The following SEM1 variants were observed in gnomAD, a reference collection of about 807,000 sequenced individuals.
SEM1 encodes SEM1 26S proteasome subunit.
In SEM1, 3 loss-of-function variants were observed where a neutral mutation model predicts 12.7. The observed-to-expected ratio is 0.24, with a 90% confidence interval of 0.11 to 0.61. SEM1 has a LOEUF of 0.61. SEM1 is among the 20% of genes least tolerant of loss of function. The probability of loss-of-function intolerance (pLI) is 0.88; values close to 1 mark genes in which losing one functional copy is unlikely to be tolerated. For synonymous variants in SEM1, 30 were observed against 27.8 expected (o/e 1.08, Z -0.25); for missense variants, 59 against 81.3 (o/e 0.73, Z 1.06).
At chr7:96,661,095 T>G (rs1788987369) in intron 2 of SEM1, among the ~76,000 whole-genome samples, 1 of 152,186 alleles carries the variant, frequency 6.6e-6, no homozygotes, top group Non-Finnish European at 1.5e-5. Flanking sequence ...GTGGTATAAT[T>G]ATCTCCATTT....
chr7:96,485,819 C>T (rs1291184716), intron 2 of SEM1, among the ~76,000 whole-genome samples: 2 of 152,086 alleles, frequency 1.3e-5, no homozygotes, highest in Non-Finnish European at 2.9e-5. Flanking sequence ...GGATTACAGG[C>T]ATGAGCCACT....
At chr7:96,611,351 A>G (rs1807533143) in intron 2 of SEM1, among the ~76,000 whole-genome samples, 1 of 152,176 alleles carries the variant, frequency 6.6e-6, no homozygotes, top group South Asian at 2.1e-4. Flanking sequence ...CCCAGCTATC[A>G]AATTTAGGAA....
At chr7:96,552,610 T>A (rs1805320424) in intron 2 of SEM1, among the ~76,000 whole-genome samples, 2 of 147,070 alleles carry the variant, frequency 1.4e-5, no homozygotes, top group African/African-American at 5.0e-5. Flanking sequence ...TTTGGGTTGG[T>A]TCCAAGTCTT....
At chr7:96,543,796 A>T (rs1009579513) in intron 2 of SEM1, among the ~76,000 whole-genome samples, 1 of 152,022 alleles carries the variant, frequency 6.6e-6, no homozygotes, top group African/African-American at 2.4e-5. Flanking sequence ...TCAATGAATC[A>T]GAAAATCCAC....
At chr7:96,636,559 A>G (rs1808433872) in intron 2 of SEM1, among the ~76,000 whole-genome samples, 1 of 152,040 alleles carries the variant, frequency 6.6e-6, no homozygotes, top group Non-Finnish European at 1.5e-5. Context: ...AATAAAGAAT[A>G]GCTAAGTAAC....
chr7:96,597,867 A>T (rs1328364758), intron 2 of SEM1, among the ~76,000 whole-genome samples: 1 of 151,872 alleles, frequency 6.6e-6, no homozygotes, highest in Non-Finnish European at 1.5e-5. Context: ...TTTTTCTTAT[A>T]TTTCTTTTTG....
chr7:96,530,224 G>T (rs1413854970), intron 2 of SEM1, among the ~76,000 whole-genome samples: 1 of 152,106 alleles, frequency 6.6e-6, no homozygotes, highest in Non-Finnish European at 1.5e-5. Flanking sequence ...TTGACAGCTG[G>T]TGGTGGCAGG....
At position 96,509,295 on chromosome 7, in the gene SEM1, C is replaced by T. The variant is rs145723269; in HGVS notation, c.171-2597G>A. 1.2e-3 allele frequency among the ~76,000 whole-genome samples: 182 copies of T among 151,834 alleles called. 1 individual carries two copies. The highest frequency in any genetic ancestry group is 4.1e-3 in the African/African-American group (171 of 41,420). On this transcript the variant is annotated intron_variant and NMD_transcript_variant, in intron 2 of 3. Coordinates refer to the SEM1 transcript ENST00000466986. ...TGCTGGGATTACAGGAGTGAGCCAC[C>T]CCTCCCAATCAAGAGACGCAATCTT... is the stretch of plus-strand genomic sequence containing the variant.
chr7:96,690,062 T>G (rs1193810160), intron 2 of SEM1, among the ~76,000 whole-genome samples: 1 of 152,124 alleles, frequency 6.6e-6, no homozygotes, highest in Non-Finnish European at 1.5e-5. Context: ...AAGATTCTGA[T>G]GATCACAGAA....
chr7:96,521,577 C>T (rs1804271143), intron 2 of SEM1, among the ~76,000 whole-genome samples: 1 of 152,186 alleles, frequency 6.6e-6, no homozygotes, highest in East Asian at 1.9e-4. Flanking sequence ...GCTGAGTTAC[C>T]CACACACAAC....
intron 2 of SEM1, among the ~76,000 whole-genome samples, chr7:96,521,308 A>C (rs569436738): frequency 6.6e-6 from 1 of 152,236 alleles, no homozygotes; most frequent in East Asian, 1.9e-4. Context: ...ATATCGTGTT[A>C]AGATGAAAAA....
chr7:96,597,735 C>T (rs1050910929), intron 2 of SEM1, among the ~76,000 whole-genome samples: 7 of 151,650 alleles, frequency 4.6e-5, no homozygotes, highest in African/African-American at 1.7e-4. Context: ...CACACATAGT[C>T]ACATGGTTAA....
chr7:96,635,458 C>T (rs775542111), intron 2 of SEM1, among the ~76,000 whole-genome samples: 9 of 151,984 alleles, frequency 5.9e-5, no homozygotes, highest in African/African-American at 1.2e-4. Context: ...AAAATGTGCC[C>T]GCATGCTGGC....
chr7:96,521,080 TA>T (rs1228556003), intron 2 of SEM1, among the ~76,000 whole-genome samples: 1 of 152,104 alleles, frequency 6.6e-6, no homozygotes, highest in Non-Finnish European at 1.5e-5. Flanking sequence ...CTTGAAATTT[TA>T]AACTATTTTG....
chr7:96,521,789 G>A (rs999618063), intron 2 of SEM1, among the ~76,000 whole-genome samples: 1 of 152,102 alleles, frequency 6.6e-6, no homozygotes, highest in East Asian at 1.9e-4. Flanking sequence ...GGCCGACTAA[G>A]TTTTTCCATT....
intron 2 of SEM1, among the ~76,000 whole-genome samples, chr7:96,593,531 T>C (rs1563076066): frequency 6.6e-6 from 1 of 152,176 alleles, no homozygotes; most frequent in Admixed American, 6.5e-5. Context: ...GTGCCGTATG[T>C]GAAGTTGACC....
chr7:96,558,340 G>A (rs1805592821), intron 2 of SEM1: 1 of 152,238 alleles, frequency 6.6e-6, no homozygotes, highest in Non-Finnish European at 1.5e-5. Context: ...TAAACCAATG[G>A]GTGTTACACA....
intron 2 of SEM1, among the ~76,000 whole-genome samples, chr7:96,628,782 C>A (rs527409815): frequency 6.6e-6 from 1 of 152,180 alleles, no homozygotes; most frequent in Admixed American, 6.5e-5. Context: ...ATGTTCTTTT[C>A]TTTCTGACTG....
chr7:96,614,643 A>C (rs958311837), intron 2 of SEM1, among the ~76,000 whole-genome samples: 1 of 152,224 alleles, frequency 6.6e-6, no homozygotes, highest in Non-Finnish European at 1.5e-5. Context: ...CTGGTGTAAC[A>C]TAATGAGTCC....
Sources: gnomAD v4.1 joint callset for allele counts (sites outside exome capture counted in the v4.1 genomes callset) on GRCh38, gnomAD v4.1.1 for gene constraint, MANE v1.5 for transcripts, NCBI Gene and HGNC (gene_info 2026-07-23, HGNC 2026-07-21) for gene names.